MGLL: variants seen among roughly 807,000 people sequenced by gnomAD.
MGLL encodes monoglyceride lipase.
A neutral mutation model predicts 29.1 loss-of-function variants in MGLL; 7 were observed. The ratio of observed to expected loss-of-function variants is 0.24; its 90% confidence interval spans 0.14 to 0.45. The LOEUF is 0.45. MGLL is among the 20% of genes least tolerant of loss of function. The pLI is 0.99. For missense variants in MGLL, 356 were observed against 413.6 expected (o/e 0.86, Z 1.21); for synonymous variants, 148 against 168.3 (o/e 0.88, Z 0.93).
intron 3 of MGLL, among the ~76,000 whole-genome samples, chr3:127,726,106 G>A (rs1160727636): frequency 8.1e-6 from 1 of 123,614 alleles, no homozygotes; most frequent in Non-Finnish European, 1.7e-5. Context: ...ACAGAAGAAA[G>A]AGAAAGAAAG....
chr3:127,715,754 A>G, intron 5 of MGLL: 1 of 456,664 alleles, frequency 2.2e-6, no homozygotes, highest in Non-Finnish European at 4.4e-6. Flanking sequence ...GATGGATCAC[A>G]TTGTCGAGGT....
chr3:127,783,066 T>C (rs539125749), intron 2 of MGLL, among the ~76,000 whole-genome samples: 1 of 141,740 alleles, frequency 7.1e-6, no homozygotes, highest in South Asian at 2.3e-4. Context: ...TCCCAGCTAT[T>C]TGGGAGACTG....
chr3:127,735,558 AT>A, intron 3 of MGLL: 3 of 852,636 alleles, frequency 3.5e-6, no homozygotes, highest in Non-Finnish European at 5.4e-6. Flanking sequence ...AAATATACAT[AT>A]TTTTAGAGAC....
chr3:127,812,505 T>A (rs548769206), intron 2 of MGLL, among the ~76,000 whole-genome samples: 2 of 152,212 alleles, frequency 1.3e-5, no homozygotes, highest in Admixed American at 1.3e-4. Flanking sequence ...GGGGAAAGCC[T>A]GTGGCCTGGT....
intron 3 of MGLL, 36 bp downstream of exon 3, chr3:127,781,753 G>T (rs748179791): frequency 1.6e-5 from 26 of 1,582,288 alleles, no homozygotes; most frequent in Non-Finnish European, 2.3e-5. Context: ...AATTGTCAGG[G>T]CCCAGCCAGC....
At chr3:127,697,567 C>T (rs2107585163) in intron 6 of MGLL, among the ~76,000 whole-genome samples, 1 of 152,312 alleles carries the variant, frequency 6.6e-6, no homozygotes, top group Non-Finnish European at 1.5e-5. Flanking sequence ...CTTCGGTACA[C>T]AACTGCTCAG....
rs1490531708 is a variant in MGLL, at chr3:127,761,039, CA to C, written c.262+20749del. On this transcript the variant is annotated intron_variant, in intron 3 of 7. Transcript: ENST00000265052. The surrounding 1 kb of genome is among the most constrained non-coding windows in gnomAD (Gnocchi z 4.6). The stretch of plus-strand genomic sequence containing the variant: ...TTCATACCCACACATACAGGATTCA[CA>C]AGTGTGAACTTGAGCGTATCCAAAG... Among the ~76,000 whole-genome samples the C allele has an allele frequency of 2.6e-5, 4 of 152,228 alleles. No homozygotes were observed. The highest frequency in any genetic ancestry group is 5.9e-5 in the Non-Finnish European group (4 of 68,050).
At chr3:127,773,896 T>C (rs1396351649) in intron 3 of MGLL, among the ~76,000 whole-genome samples, 1 of 152,194 alleles carries the variant, frequency 6.6e-6, no homozygotes, top group Non-Finnish European at 1.5e-5. Flanking sequence ...AGAGGTCTGG[T>C]TGACACTGCC....
chr3:127,743,572 TA>T (rs35691902), intron 3 of MGLL, among the ~76,000 whole-genome samples: 8,910 of 40,304 alleles, frequency 0.22, 302 homozygotes, highest in Non-Finnish European at 0.25. Context: ...CCACTAATGC[TA>T]AAAAAAAAAA....
intron 6 of MGLL, among the ~76,000 whole-genome samples, chr3:127,696,047 C>A (rs2075354704): frequency 6.6e-6 from 1 of 152,202 alleles, no homozygotes; most frequent in Non-Finnish European, 1.5e-5. Flanking sequence ...GAGGGACGCC[C>A]AAGGGTGGGT....
chr3:127,806,275 A>T (rs1576313171), intron 2 of MGLL, among the ~76,000 whole-genome samples: 1 of 152,376 alleles, frequency 6.6e-6, no homozygotes, highest in Middle Eastern at 3.4e-3. Context: ...GAAGGCAGGG[A>T]CCATGGGGTC....
rs751786313 is a variant in MGLL at position 127,690,078 on chromosome 3, G to A, written c.*2120C>T. ...AATGGTGATGCCACCACATGCATCT[G>A]GGGGAGGCAGCAGGGAGGCGTAGGG... On this transcript the variant is annotated 3_prime_UTR_variant, in exon 8 of 8. Coordinates refer to ENST00000265052, the MANE Select transcript of MGLL (RefSeq NM_007283.7). 6.6e-6 allele frequency: 1 copy of A among 152,180 alleles called. No individual in the cohort carries two copies. The highest frequency in any genetic ancestry group is 1.5e-5 in the Non-Finnish European group (1 of 68,084). 9.4% of individuals were successfully genotyped at this position (152,180 alleles called of 1,614,324 possible).
At chr3:127,790,589 TCTTC>T (rs1193006117) in intron 2 of MGLL, among the ~76,000 whole-genome samples, 1 of 152,186 alleles carries the variant, frequency 6.6e-6, no homozygotes, top group Non-Finnish European at 1.5e-5. Context: ...GTCCTTCCTT[TCTTC>T]CTTCCTTCGT....
chr3:127,810,532 T>C lies in MGLL; in HGVS notation c.155+11162A>G, dbSNP rs2077644572. 2.0e-5 allele frequency among the ~76,000 whole-genome samples: 3 copies of C among 149,164 alleles called. No individual in the cohort carries two copies. The South Asian group carries it at 6.5e-4, about 32-fold the overall frequency. ...CCAGCTGAAAGTCACCAAACGTCCC[T>C]CTGAAATCCCAACACAGAATCCACA... On this transcript the variant is annotated intron_variant, in intron 2 of 7. Coordinates refer to ENST00000265052, the MANE Select transcript of MGLL (RefSeq NM_007283.7).
intron 2 of MGLL, among the ~76,000 whole-genome samples, chr3:127,784,637 T>G (rs1441670198): frequency 6.6e-6 from 1 of 151,998 alleles, no homozygotes; most frequent in African/African-American, 2.4e-5. Flanking sequence ...GCCCCACACT[T>G]CCACCCCCAG....
chr3:127,765,882 T>A (rs1257049125), intron 3 of MGLL, among the ~76,000 whole-genome samples: 1 of 152,212 alleles, frequency 6.6e-6, no homozygotes, highest in Non-Finnish European at 1.5e-5. Flanking sequence ...AGCCAGTGAC[T>A]AATGTGTGGT....
chr3:127,789,662 C>T (rs1471899558), intron 2 of MGLL, among the ~76,000 whole-genome samples: 1 of 151,766 alleles, frequency 6.6e-6, no homozygotes, highest in Admixed American at 6.6e-5. Flanking sequence ...CACGCCACTG[C>T]ACTCCACTCC....
intron 3 of MGLL, among the ~76,000 whole-genome samples, chr3:127,754,014 A>G (rs2076609098): frequency 6.6e-6 from 1 of 152,196 alleles, no homozygotes; most frequent in South Asian, 2.1e-4. Context: ...CTCCTAGCCC[A>G]TTCTGTAGCC....
intron 2 of MGLL, among the ~76,000 whole-genome samples, chr3:127,819,383 C>T (rs781098034): frequency 6.6e-6 from 1 of 152,208 alleles, no homozygotes; most frequent in Non-Finnish European, 1.5e-5. Context: ...AAGATATCCA[C>T]AGGCCCCCGG....
Sources: gnomAD v4.1 joint callset for allele counts (sites outside exome capture counted in the v4.1 genomes callset) on GRCh38, gnomAD v4.1.1 for gene constraint, Gnocchi (gnomAD v3.1) non-coding constraint, MANE v1.5 for transcripts, NCBI Gene and HGNC (gene_info 2026-07-23, HGNC 2026-07-21) for gene names.